INPPL1: variants seen among roughly 807,000 people sequenced by gnomAD.
INPPL1 encodes phosphatidylinositol 3,4,5-trisphosphate 5-phosphatase 2.
In INPPL1, 91 loss-of-function variants were observed where a neutral mutation model predicts 139.3. The observed-to-expected ratio is 0.65, with a 90% CI of 0.55 to 0.78. The LOEUF is 0.78. INPPL1 is among the 30% of genes least tolerant of loss of function. The pLI, the probability that INPPL1 is intolerant of heterozygous loss-of-function variation, is 0.00. For missense variants in INPPL1, 1,411 were observed against 1,665.6 expected (o/e 0.85, Z 2.66); for synonymous variants, 719 against 686.6 (o/e 1.05, Z -0.74).
chr11:72,230,923 C>T (rs758018092), intron 11 of INPPL1, 25 bp downstream of exon 11: 35 of 1,612,856 alleles, frequency 2.2e-5, no homozygotes, highest in African/African-American at 1.1e-4. Context: ...GGGGCTGGGG[C>T]GGGAGAGAGG....
chr11:72,237,898 CCTGAA>C, intron 26 of INPPL1, 102 bp downstream of exon 26: 1 of 1,456,282 alleles, frequency 6.9e-7, no homozygotes, highest in Non-Finnish European at 9.1e-7. Flanking sequence ...TCCCTGCTAC[CCTGAA>C]CTGATCACTG....
In INPPL1 at chr11:72,238,254, A is replaced by G; in HGVS notation, c.3687-9A>G. On this transcript the variant is annotated splice_polypyrimidine_tract_variant and intron_variant, in intron 27 of 27. Coordinates refer to ENST00000298229, the MANE Select transcript of INPPL1 (RefSeq NM_001567.4). Reference sequence around the variant, plus strand: ...CCCATCTCACTTCCCAGCCTGTTTTACTCCACAGTGACATCACCGAGGAGG... The same window carrying G: ...CCCATCTCACTTCCCAGCCTGTTTTGCTCCACAGTGACATCACCGAGGAGG... The G allele has an allele frequency of 6.2e-7, 1 of 1,613,020 alleles. No individual in the cohort carries two copies.
Position 72,231,682 on chromosome 11 carries a change from A to G in INPPL1, c.1615+67A>G, listed in dbSNP as rs371083232. On this transcript the variant is annotated intron_variant, in intron 13 of 27. Transcript: ENST00000298229. ...CTGTCCATGGCTTCTGCTTCCTCTC[A>G]AGCCTAGGATTGCCCCATTTTTGGT... 8.8e-4 allele frequency: 1,038 copies of G among 1,173,946 alleles called. 23 individuals are homozygous for G. In the South Asian group the frequency reaches 0.012, roughly 14 times the overall value. The allele number at this position is 1,173,946 out of a possible 1,614,324, so 72.7% of individuals were successfully genotyped here.
chr11:72,234,512 C>G lies in INPPL1; in HGVS notation c.2327-15C>G. 6.3e-7 allele frequency: 1 copy of G among 1,590,378 alleles called. No homozygotes were observed. Among genetic ancestry groups the G allele is most frequent in the Non-Finnish European group, 8.6e-7 (1 of 1,158,632 alleles). ...GAGGTGGTGCTCAGTTGGGTGTCTC[C>G]CACCCCCACCCCAGAATACAAGAAG... On this transcript the variant is annotated splice_polypyrimidine_tract_variant and intron_variant, in intron 20 of 27. Transcript: ENST00000298229. The surrounding 1 kb of genome is among the most constrained non-coding windows in gnomAD (Gnocchi z 4.2).
intron 25 of INPPL1, among the ~76,000 whole-genome samples, chr11:72,236,611 A>T (rs928036548): frequency 4.7e-4 from 71 of 152,166 alleles, no homozygotes; most frequent in Non-Finnish European, 1.2e-4. Context: ...TTGCTTTCTA[A>T]TTATATCCGA....
chr11:72,237,150 C>T lies in INPPL1; in HGVS notation c.2906C>T (p.Pro969Leu). Residue 969 changes from proline (P) to leucine (L), a missense_variant, in exon 26 of 28, where the codon CCA (proline) becomes CTA (leucine). Around this residue, in one of 5 missense-constraint regions of INPPL1, gnomAD observed 438 missense variants for 425.7 expected, o/e 1.03. Coordinates refer to ENST00000298229, the MANE Select transcript of INPPL1 (RefSeq NM_001567.4). ...TTGAAGCCAGAGGGAGCTCCTGAAC[C>T]AGAAGGGGTGGCGGCCCCCCCACCC... ...PRLKPEGAPE[P>L]EGVAAPPPKN... is the part of the protein sequence containing the mutation. 6.3e-7 allele frequency: 1 copy of T among 1,598,068 alleles called. No homozygotes were observed. Among genetic ancestry groups the T allele is most frequent in the South Asian group, 1.1e-5 (1 of 90,124 alleles).
In INPPL1 at chr11:72,235,833, G is replaced by C; in HGVS notation, c.2739-13G>C. 6.2e-7 allele frequency: 1 copy of C among 1,612,454 alleles called. No homozygotes were observed. The highest frequency in any genetic ancestry group is 8.5e-7 in the Non-Finnish European group (1 of 1,179,288). Reference sequence around the variant, plus strand: ...CAACCCCACTTCATCTCTCTCCTGTGCATCCCTGGCAGGTCAGGGAGCCGC... The same window carrying C: ...CAACCCCACTTCATCTCTCTCCTGTCCATCCCTGGCAGGTCAGGGAGCCGC... On this transcript the variant is annotated splice_polypyrimidine_tract_variant and intron_variant, in intron 24 of 27. Coordinates refer to ENST00000298229, the MANE Select transcript of INPPL1 (RefSeq NM_001567.4). This position sits in a 1 kb window ranked among gnomAD's most constrained non-coding sequence, Gnocchi z 4.9.
At position 72,238,434 on chromosome 11, in the gene INPPL1, T is replaced by A; in HGVS notation, c.*81T>A. The A allele has an allele frequency of 1.6e-6, 2 of 1,238,688 alleles. No individual in the cohort carries two copies. Among genetic ancestry groups the A allele is most frequent in the Non-Finnish European group, 2.2e-6 (2 of 903,092 alleles). 76.7% of individuals were successfully genotyped at this position (1,238,688 alleles called of 1,614,324 possible). ...AGCTATGGCCCCAGGGTTGAAAAGT[T>A]ATGAGGGTCAGGGCAGTATCTCTCT... On this transcript the variant is annotated 3_prime_UTR_variant, in exon 28 of 28. Transcript: ENST00000298229.
Position 72,235,583 on chromosome 11 carries a change from G to A in INPPL1, c.2660-92G>A, listed in dbSNP as rs1225013021. 6.4e-6 allele frequency: 10 copies of A among 1,573,710 alleles called. No individual in the cohort carries two copies. In the Admixed American group the frequency reaches 1.7e-4, roughly 27 times the overall value. ...ACAGCTGGGAATAGTCCTGCCCCAAGGCATAGCTGGGAAAGGGCTGGCAGG... is the reference window on the plus strand; with the variant it reads ...ACAGCTGGGAATAGTCCTGCCCCAAAGCATAGCTGGGAAAGGGCTGGCAGG... On this transcript the variant is annotated intron_variant, in intron 23 of 27. Transcript: ENST00000298229. This position sits in a 1 kb window ranked among gnomAD's most constrained non-coding sequence, Gnocchi z 4.9.
chr11:72,229,826 A>C (rs1948780129), intron 7 of INPPL1, 74 bp downstream of exon 7: 1 of 1,559,234 alleles, frequency 6.4e-7, no homozygotes, highest in African/African-American at 1.4e-5. Flanking sequence ...CTCAACCCTC[A>C]GTCTACAACT....
At chr11:72,227,368 T>C (rs1033849986) in intron 1 of INPPL1, among the ~76,000 whole-genome samples, 5 of 152,162 alleles carry the variant, frequency 3.3e-5, no homozygotes, top group Non-Finnish European at 5.9e-5. Context: ...CAGATAGGAT[T>C]CAGTTAATGG....
chr11:72,238,165 G>C lies in INPPL1; in HGVS notation c.3676G>C (p.Glu1226Gln). 2 of 1,602,026 alleles carry C rather than the reference G, an allele frequency of 1.2e-6. No individual in the cohort carries two copies. Among genetic ancestry groups the C allele is most frequent in the South Asian group, 1.1e-5 (1 of 89,280 alleles). ...GLVHNGWDDL[E>Q]FLSDITEEDL... Reference sequence around the variant, plus strand: ...GGTGCATAATGGCTGGGACGACCTGGAGTTTCTCAGGTGGGGGAGGGGCTG... The same window carrying C: ...GGTGCATAATGGCTGGGACGACCTGCAGTTTCTCAGGTGGGGGAGGGGCTG... Residue 1226 changes from glutamate (E) to glutamine (Q), a missense_variant, in exon 27 of 28, where the codon GAG (glutamate) becomes CAG (glutamine). Coordinates refer to ENST00000298229, the MANE Select transcript of INPPL1 (RefSeq NM_001567.4).
rs1469313700 is a variant in INPPL1 at position 72,234,767 on chromosome 11, G to A, written c.2415+152G>A. The A allele has an allele frequency of 4.5e-5, 28 of 622,442 alleles. No individual in the cohort carries two copies. The highest frequency in any genetic ancestry group is 6.8e-5 in the Non-Finnish European group (24 of 354,186). 38.6% of individuals were successfully genotyped at this position (622,442 alleles called of 1,614,324 possible). On this transcript the variant is annotated intron_variant, in intron 21 of 27. Transcript: ENST00000298229. This position sits in a 1 kb window ranked among gnomAD's most constrained non-coding sequence, Gnocchi z 4.2. ...TGTGTGTGTGTGTGTGTGTGTGTAT[G>A]GGCATGGGCATGAGTGAGGATAAAG...
chr11:72,232,227 C>T lies in INPPL1; in HGVS notation c.1616-13C>T. On this transcript the variant is annotated splice_polypyrimidine_tract_variant and intron_variant, in intron 13 of 27. Coordinates refer to ENST00000298229, the MANE Select transcript of INPPL1 (RefSeq NM_001567.4). The stretch of plus-strand genomic sequence containing the variant: ...GGATGACCCAGGCCTTCCTCTCTTG[C>T]TTGCCTTAACAGGGAACAAGGGGGC... 1.3e-6 allele frequency: 2 copies of T among 1,550,516 alleles called. No homozygotes were observed. Among genetic ancestry groups the T allele is most frequent in the Non-Finnish European group, 1.7e-6 (2 of 1,145,302 alleles).
rs916336133 is a variant in INPPL1, at chr11:72,228,525, C to A, written c.397+27C>A. 9.4e-6 allele frequency: 15 copies of A among 1,600,544 alleles called. No individual in the cohort carries two copies. The highest frequency in any genetic ancestry group is 1.3e-5 in the Non-Finnish European group (15 of 1,178,972). On this transcript the variant is annotated intron_variant, in intron 3 of 27. Transcript: ENST00000298229. The surrounding 1 kb of genome is among the most constrained non-coding windows in gnomAD (Gnocchi z 5.0). ...TACTTCCCAGTGTGCAGGTCCCCTC[C>A]CTGCCCCTGTCCCTTGGCTCTACCT...
rs145426442 is a variant in INPPL1, at chr11:72,235,166, G to A, written c.2466G>A (p.Leu822=). Residue 822 remains leucine, a synonymous_variant, in exon 22 of 28, where the codon CTG becomes CTA. Coordinates refer to ENST00000298229, the MANE Select transcript of INPPL1 (RefSeq NM_001567.4). The surrounding 1 kb of genome is among the most constrained non-coding windows in gnomAD (Gnocchi z 4.9). ...AGTACCTGCAGGACCAGCACCTCCT[G>A]CTCACAGTCAAGTCCATGGATGGCT... ...DIEYLQDQHL[L]LTVKSMDGYE... The A allele has an allele frequency of 1.9e-6, 3 of 1,613,936 alleles. No individual in the cohort carries two copies. The highest frequency in any genetic ancestry group is 2.7e-5 in the African/African-American group (2 of 74,866).
At position 72,235,386 on chromosome 11, in the gene INPPL1, A is replaced by G. The variant is rs544698282; in HGVS notation, c.2594A>G (p.Asn865Ser). Residue 865 changes from asparagine to serine, a missense_variant, in exon 23 of 28, where the codon AAT (asparagine) becomes AGT (serine). Coordinates refer to ENST00000298229, the MANE Select transcript of INPPL1 (RefSeq NM_001567.4). The surrounding 1 kb of genome is among the most constrained non-coding windows in gnomAD (Gnocchi z 4.9). The stretch of plus-strand genomic sequence containing the variant: ...TCCCACCGTGGCGAGGAGACAGGCA[A>G]TATCAGAGGCTCCATGAAGGTGCGG... Reference protein sequence around the residue: ...FLSHRGEETGNIRGSMKVRVP... With the variant: ...FLSHRGEETGSIRGSMKVRVP... 49 of 1,613,918 alleles carry G rather than the reference A, an allele frequency of 3.0e-5. No homozygotes were observed. Among genetic ancestry groups the G allele is most frequent in the Admixed American group, 6.7e-5 (4 of 60,004 alleles).
rs971735121 is a variant in INPPL1 at position 72,229,405 on chromosome 11, C to T, written c.660-60C>T. The T allele has an allele frequency of 5.5e-5, 83 of 1,522,328 alleles. No individual in the cohort carries two copies. In the African/African-American group the frequency reaches 8.5e-4, roughly 16 times the overall value. 94.3% of individuals were successfully genotyped at this position (1,522,328 alleles called of 1,614,324 possible). ...GTGGTGAGGTTGAGGCTACACCCAG[C>T]GCCCCCTTCCCTATACTTAGGTCGG... On this transcript the variant is annotated intron_variant, in intron 5 of 27. Transcript: ENST00000298229.
chr11:72,231,192 G>GA lies in INPPL1; in HGVS notation c.1497+4dup. ...TTACGGATCTGGATTACCGCCCGGT[G>GA]AGGGGGGGTCATCTTGTCCAGGACC... On this transcript the variant is annotated splice_donor_region_variant and intron_variant, in intron 12 of 27. Coordinates refer to ENST00000298229, the MANE Select transcript of INPPL1 (RefSeq NM_001567.4). The GA allele has an allele frequency of 6.2e-7, 1 of 1,608,674 alleles. No homozygotes were observed. The highest frequency in any genetic ancestry group is 8.5e-7 in the Non-Finnish European group (1 of 1,178,548).
Sources: gnomAD v4.1 joint callset for allele counts (sites outside exome capture counted in the v4.1 genomes callset) on GRCh38, gnomAD v4.1.1 for gene constraint, gnomAD v4.1.1 regional missense constraint, Gnocchi (gnomAD v3.1) non-coding constraint, MANE v1.5 for transcripts, NCBI Gene and HGNC (gene_info 2026-07-23, HGNC 2026-07-21) for gene names.